The following MGAM variants were observed in gnomAD, a reference collection of about 807,000 sequenced individuals.
The protein encoded by MGAM is alpha-1,4-glucosidase.
Under a neutral mutation model 358.8 loss-of-function variants are expected in MGAM, and 253 were observed. The observed-to-expected ratio is 0.71, with a 90% CI of 0.64 to 0.78. The LOEUF is 0.78. MGAM is among the 30% of genes least tolerant of loss of function. MGAM has a pLI of 0.00. For missense variants in MGAM, 3,080 were observed against 3,432.6 expected (o/e 0.90, Z 2.57); for synonymous variants, 1,105 against 1,227.1 (o/e 0.90, Z 2.08).
chr7:142,041,683 CT>C (rs1413096345), intron 21 of MGAM, among the ~76,000 whole-genome samples: 2 of 150,702 alleles, frequency 1.3e-5, no homozygotes, highest in Non-Finnish European at 2.9e-5. Flanking sequence ...AAAGCTTTCT[CT>C]TTCCCAGACA....
At chr7:142,054,346 A>T (rs1315205630) in intron 26 of MGAM, among the ~76,000 whole-genome samples, 2 of 152,178 alleles carry the variant, frequency 1.3e-5, no homozygotes, top group South Asian at 4.1e-4. Flanking sequence ...TTTAGATACC[A>T]CTTTCAGCAA....
chr7:142,041,999 T>TAA (rs1182124695), intron 21 of MGAM, among the ~76,000 whole-genome samples: 1 of 11,990 alleles, frequency 8.3e-5, no homozygotes, highest in African/African-American at 4.3e-4. Flanking sequence ...TATATATATA[T>TAA]TATATATATA....
chr7:142,019,425 CA>C, intron 4 of MGAM, 106 bp downstream of exon 4: 1 of 1,221,326 alleles, frequency 8.2e-7, no homozygotes, highest in South Asian at 1.6e-5. Flanking sequence ...GCCATATAAC[CA>C]CATGTGACAG....
chr7:142,101,698 G>A (rs1278583325), intron 68 of MGAM, among the ~76,000 whole-genome samples: 1 of 151,600 alleles, frequency 6.6e-6, no homozygotes, highest in Non-Finnish European at 1.5e-5. Context: ...CTGAGGTTGG[G>A]AGTTCGAGAT....
intron 34 of MGAM, among the ~76,000 whole-genome samples, chr7:142,061,465 C>G (rs1257956508): frequency 6.6e-6 from 1 of 152,138 alleles, no homozygotes; most frequent in Non-Finnish European, 1.5e-5. Context: ...CCACTGTCTT[C>G]TCACATCCTT....
At position 142,058,249 on chromosome 7, in the gene MGAM, A is replaced by C; in HGVS notation, c.3740A>C (p.Gln1247Pro). Residue 1247 changes from glutamine (Q) to proline (P), a missense_variant, in exon 31 of 71, where the codon CAG (glutamine) becomes CCG (proline). Around this residue, in one of 5 missense-constraint regions of MGAM, gnomAD observed 1,816 missense variants for 1,840.5 expected, o/e 0.99. Transcript: ENST00000475668. ...VMVPYWSLGF[Q>P]LCRYGYQNDS... ...GTACCTTACTGGTCTTTGGGGTTCC[A>C]GCTGTGTCGCTATGGCTACCAGAAT... The C allele has an allele frequency of 6.2e-7, 1 of 1,613,872 alleles. No individual in the cohort carries two copies. Among genetic ancestry groups the C allele is most frequent in the Non-Finnish European group, 8.5e-7 (1 of 1,179,834 alleles).
At chr7:142,049,632 G>T (rs1285484128) in intron 22 of MGAM, among the ~76,000 whole-genome samples, 2 of 152,140 alleles carry the variant, frequency 1.3e-5, no homozygotes, top group Admixed American at 1.3e-4. Flanking sequence ...TAAAAAGTGG[G>T]TGAAGGACCT....
intron 3 of MGAM, among the ~76,000 whole-genome samples, chr7:142,015,433 A>T (rs1049272888): frequency 6.6e-5 from 10 of 152,128 alleles, no homozygotes; most frequent in African/African-American, 2.4e-4. Flanking sequence ...TTCCCATATT[A>T]CATTGTATCT....
At chr7:142,051,597 G>A (rs1220766696) in intron 24 of MGAM, among the ~76,000 whole-genome samples, 5 of 152,076 alleles carry the variant, frequency 3.3e-5, no homozygotes, top group Admixed American at 2.0e-4. Context: ...GAGTCTTTGG[G>A]CTTAGAGAAA....
Position 142,021,060 on chromosome 7 carries a change from A to G in MGAM, c.535A>G (p.Thr179Ala). ...TGTTCTTCTCACAGCAGAATATCAG[A>G]CATCTAATCGTTTCCACTTTAAGGT... ...DNVLLTAEYQTSNRFHFKLTD... is the reference protein window; with the variant it reads ...DNVLLTAEYQASNRFHFKLTD... Residue 179 changes from threonine to alanine, a missense_variant, in exon 5 of 71, where the codon ACA becomes GCA. Transcript: ENST00000475668. 1.2e-6 allele frequency: 2 copies of G among 1,610,518 alleles called. No homozygotes were observed. Among genetic ancestry groups the G allele is most frequent in the Non-Finnish European group, 1.7e-6 (2 of 1,178,246 alleles).
At chr7:142,100,768 T>G (rs774357095) in intron 67 of MGAM, 34 bp from the exon 68 acceptor site, 1 of 1,581,330 alleles carries the variant, frequency 6.3e-7, no homozygotes, top group Non-Finnish European at 8.6e-7. Flanking sequence ...GTGGCTTTAC[T>G]TTTAGCTAAT....
chr7:142,032,490 T>C (rs1351556750), intron 13 of MGAM, among the ~76,000 whole-genome samples: 2 of 152,204 alleles, frequency 1.3e-5, no homozygotes, highest in Non-Finnish European at 2.9e-5. Flanking sequence ...TATGTATTTA[T>C]ATGTATATGT....
Position 142,043,755 on chromosome 7 carries a change from G to A in MGAM, c.2498+2909G>A, listed in dbSNP as rs1212607474. Among the ~76,000 whole-genome samples, 28 of 79,638 alleles carry A rather than the reference G, an allele frequency of 3.5e-4. 1 individual carries two copies. The highest frequency in any genetic ancestry group is 5.7e-4 in the Non-Finnish European group (22 of 38,286). 52.2% of individuals were successfully genotyped at this position (79,638 alleles called of 152,430 possible). A position where few individuals can be genotyped will look rare whatever the true frequency, so the allele number is the denominator to read the frequency against. ...TAATATATACATTATATACACATAC[G>A]ACATATAATATATACATTATATACA... is the stretch of plus-strand genomic sequence containing the variant. On this transcript the variant is annotated intron_variant, in intron 21 of 70. Transcript: ENST00000475668.
rs776919923 is a variant in MGAM, at chr7:142,093,412, A to T, written c.7034A>T (p.Tyr2345Phe). 10 of 1,535,844 alleles carry T rather than the reference A, an allele frequency of 6.5e-6. 2 individuals are homozygous for T. The highest frequency in any genetic ancestry group is 1.3e-5 in the African/African-American group (1 of 74,258). Residue 2345 changes from tyrosine to phenylalanine, a missense_variant and splice_region_variant, in exon 60 of 71, where the codon TAT (tyrosine) becomes TTT (phenylalanine). Around this residue, in one of 5 missense-constraint regions of MGAM, gnomAD observed 932 missense variants for 1,198.2 expected, o/e 0.78. Coordinates refer to ENST00000475668, the MANE Select transcript of MGAM (RefSeq NM_001365693.1). ...CACCTCACCAGTTCTTCCTCCTCAG[A>T]TTTGGAGTCCAGGGACAGGGGCCTG... ...ASLNHPPYMP[Y>F]LESRDRGLSS...
chr7:142,018,256 G>A (rs534583030), intron 3 of MGAM, among the ~76,000 whole-genome samples: 1 of 152,246 alleles, frequency 6.6e-6, no homozygotes, highest in East Asian at 1.9e-4. Context: ...CAGCTCTTCA[G>A]GTGTTGTTGG....
At chr7:142,005,149 A>C (rs997702174) in intron 1 of MGAM, among the ~76,000 whole-genome samples, 5 of 152,090 alleles carry the variant, frequency 3.3e-5, no homozygotes, top group Non-Finnish European at 5.9e-5. Flanking sequence ...ACAAATTATA[A>C]AAGTTTATCA....
intron 18 of MGAM, among the ~76,000 whole-genome samples, chr7:142,037,876 C>T (rs1808127961): frequency 6.6e-6 from 1 of 152,022 alleles, no homozygotes. Context: ...TCCCCTCGAG[C>T]ATTTATCCTT....
In MGAM at chr7:142,094,348, T is replaced by C. The variant is rs776208659; in HGVS notation, c.7173-16T>C. 1.3e-6 allele frequency: 2 copies of C among 1,507,790 alleles called. No homozygotes were observed. The highest frequency in any genetic ancestry group is 1.4e-5 in the African/African-American group (1 of 73,260). 93.4% of individuals were successfully genotyped at this position (1,507,790 alleles called of 1,614,324 possible). A position where few individuals can be genotyped will look rare whatever the true frequency, so the allele number is the denominator to read the frequency against. On this transcript the variant is annotated splice_polypyrimidine_tract_variant and intron_variant, in intron 60 of 70. Transcript: ENST00000475668. ...TGGCGGTGCCCTCAGTTCACCTCCT[T>C]TTCCCCTCCAACCAGAGCCGTGCAG... is the stretch of plus-strand genomic sequence containing the variant.
intron 34 of MGAM, among the ~76,000 whole-genome samples, chr7:142,061,814 T>A (rs1346685690): frequency 1.3e-5 from 2 of 152,160 alleles, no homozygotes; most frequent in Non-Finnish European, 2.9e-5. Flanking sequence ...AAACACTGAG[T>A]ATGTATTTTA....
Sources: gnomAD v4.1 joint callset for allele counts (sites outside exome capture counted in the v4.1 genomes callset) on GRCh38, gnomAD v4.1.1 for gene constraint, gnomAD v4.1.1 regional missense constraint, MANE v1.5 for transcripts, NCBI Gene and HGNC (gene_info 2026-07-23, HGNC 2026-07-21) for gene names.